The following APBB2 variants were observed in gnomAD, a reference collection of about 807,000 sequenced individuals.
The protein encoded by APBB2 is Fe65-like 1.
In APBB2, 38 loss-of-function variants were observed where a neutral mutation model predicts 82.5. The observed-to-expected ratio is 0.46, with a 90% confidence interval of 0.36 to 0.60. APBB2 has a LOEUF of 0.60. Ranked by LOEUF, APBB2 falls within the 20% of genes least tolerant of loss-of-function variation. APBB2 has a pLI of 0.00. For synonymous variants in APBB2, 341 were observed against 368.2 expected (o/e 0.93, Z 0.85); for missense variants, 772 against 972.3 (o/e 0.79, Z 2.74).
At chr4:40,898,215 T>A (rs1416051312) in intron 10 of APBB2, among the ~76,000 whole-genome samples, 1 of 152,236 alleles carries the variant, frequency 6.6e-6, no homozygotes, top group Non-Finnish European at 1.5e-5. Flanking sequence ...ATGCTTAGCA[T>A]CATGCCTGGC....
At chr4:40,887,612 G>C (rs566068537) in intron 12 of APBB2, among the ~76,000 whole-genome samples, 1 of 152,230 alleles carries the variant, frequency 6.6e-6, no homozygotes, top group Admixed American at 6.5e-5. Flanking sequence ...CCTTCTTCTG[G>C]GGAATGGAAA....
Position 41,078,941 on chromosome 4 carries a change from C to A in APBB2, c.-148-13268G>T, listed in dbSNP as rs572399010. 7.2e-5 allele frequency among the ~76,000 whole-genome samples: 11 copies of A among 152,266 alleles called. No individual in the cohort carries two copies. In the East Asian group the frequency reaches 2.1e-3, roughly 29 times the overall value. ...CTAACATTCCCAGAGTGTCTTATAG[C>A]CAAGGCTTGCACATGACTTAGCCGT... is the stretch of plus-strand genomic sequence containing the variant. On this transcript the variant is annotated intron_variant, in intron 3 of 17. Transcript: ENST00000508593.
At chr4:41,027,152 A>G (rs1230615506) in intron 5 of APBB2, among the ~76,000 whole-genome samples, 1 of 151,938 alleles carries the variant, frequency 6.6e-6, no homozygotes, top group Non-Finnish European at 1.5e-5. Flanking sequence ...CAGCTGCAGC[A>G]CCCGATTAAA....
At chr4:41,159,879 CAA>C (rs796692414) in intron 1 of APBB2, among the ~76,000 whole-genome samples, 7 of 65,520 alleles carry the variant, frequency 1.1e-4, no homozygotes, top group Admixed American at 1.7e-4. Flanking sequence ...GGCTTAAGGG[CAA>C]AAAAAAAAAA....
intron 3 of APBB2, among the ~76,000 whole-genome samples, chr4:41,070,540 G>A (rs772946108): frequency 2.1e-4 from 32 of 152,134 alleles, no homozygotes; most frequent in Non-Finnish European, 3.2e-4. Flanking sequence ...GACCTCAAGC[G>A]ATCCACCCGC....
intron 3 of APBB2, among the ~76,000 whole-genome samples, chr4:41,082,199 C>T (rs1737885065): frequency 6.6e-6 from 1 of 152,152 alleles, no homozygotes; most frequent in Non-Finnish European, 1.5e-5. Context: ...CATGGTATGT[C>T]CACACCTCAT....
chr4:40,921,398 C>G (rs1223691368), intron 10 of APBB2, among the ~76,000 whole-genome samples: 1 of 152,204 alleles, frequency 6.6e-6, no homozygotes, highest in Non-Finnish European at 1.5e-5. Flanking sequence ...AACTTCATCT[C>G]CCCTGCATGG....
chr4:40,877,073 C>T (rs1490974239), intron 12 of APBB2, among the ~76,000 whole-genome samples: 1 of 152,236 alleles, frequency 6.6e-6, no homozygotes, highest in East Asian at 1.9e-4. Context: ...CATGGCAGAG[C>T]CATTAACCAC....
At chr4:40,954,435 T>C (rs1791030789) in intron 6 of APBB2, among the ~76,000 whole-genome samples, 1 of 152,098 alleles carries the variant, frequency 6.6e-6, no homozygotes, top group South Asian at 2.1e-4. Flanking sequence ...TCCTGTCTAC[T>C]CTGTGCCAGA....
At chr4:40,950,029 T>G (rs1221817084) in intron 6 of APBB2, among the ~76,000 whole-genome samples, 2 of 152,282 alleles carry the variant, frequency 1.3e-5, no homozygotes, top group East Asian at 3.9e-4. Context: ...AGGACTGGAA[T>G]TCGGACCAAC....
chr4:41,088,128 A>T (rs1044083982), intron 3 of APBB2, among the ~76,000 whole-genome samples: 1 of 152,238 alleles, frequency 6.6e-6, no homozygotes, highest in African/African-American at 2.4e-5. Flanking sequence ...TTAATGGATA[A>T]GAAAATGAGA....
At chr4:40,952,250 TCAGTTAGGCTCCCTCAGCAGG>T (rs1283747898) in intron 6 of APBB2, among the ~76,000 whole-genome samples, 1 of 148,016 alleles carries the variant, frequency 6.8e-6, no homozygotes, top group African/African-American at 2.5e-5. Flanking sequence ...GAGAAGAAGG[TCAGTTAGGCTCCCTCAGCAGG>T]GCCGGACTTC....
chr4:40,822,142 G>C, intron 16 of APBB2, 92 bp from the exon 17 acceptor site: 1 of 1,452,460 alleles, frequency 6.9e-7, no homozygotes, highest in East Asian at 2.3e-5. Context: ...AGAAAGTATA[G>C]CCAGGCCGAA....
At chr4:41,091,688 G>T (rs1560728785) in intron 3 of APBB2, among the ~76,000 whole-genome samples, 1 of 152,058 alleles carries the variant, frequency 6.6e-6, no homozygotes, top group Non-Finnish European at 1.5e-5. Context: ...ATGAATGAGG[G>T]GCTCATGATT....
At chr4:40,924,834 C>T (rs1290006906) in intron 10 of APBB2, among the ~76,000 whole-genome samples, 1 of 152,218 alleles carries the variant, frequency 6.6e-6, no homozygotes, top group Non-Finnish European at 1.5e-5. Context: ...CACGCAGGAA[C>T]AGATAACAGA....
chr4:41,138,295 T>C (rs1339101141), intron 2 of APBB2: 2 of 152,162 alleles, frequency 1.3e-5, no homozygotes, highest in African/African-American at 4.8e-5. Context: ...AAACTGAATT[T>C]TGTTACAATT....
chr4:40,836,093 G>A (rs578004126), intron 12 of APBB2, among the ~76,000 whole-genome samples: 73 of 152,268 alleles, frequency 4.8e-4, no homozygotes, highest in African/African-American at 1.6e-3. Context: ...TGGGTGCTGG[G>A]ACCCTGCACT....
intron 1 of APBB2, among the ~76,000 whole-genome samples, chr4:41,182,109 C>T (rs1771577973): frequency 1.3e-5 from 2 of 152,170 alleles, no homozygotes; most frequent in African/African-American, 4.8e-5. Context: ...ATCTTTCCAT[C>T]TCTAGCATCC....
At chr4:41,014,540 C>T (rs1809332792) in intron 5 of APBB2, 142 bp from the exon 6 acceptor site, 2 of 809,534 alleles carry the variant, frequency 2.5e-6, no homozygotes, top group Non-Finnish European at 3.9e-6. Context: ...CCATTTTCCT[C>T]TTTATTTCAC....
Sources: allele counts gnomAD v4.1 joint callset (sites outside exome capture counted in the v4.1 genomes callset), GRCh38; gene constraint gnomAD v4.1.1; transcripts MANE v1.5; gene names NCBI Gene and HGNC (gene_info 2026-07-23, HGNC 2026-07-21).